SMAP1: variants seen among roughly 807,000 people sequenced by gnomAD.
SMAP1 encodes the protein stromal membrane-associated protein 1.
Under a neutral mutation model 58.5 loss-of-function variants are expected in SMAP1, and 24 were observed. That is an observed-to-expected ratio of 0.41 (90% CI 0.30 to 0.58). The LOEUF (loss-of-function observed/expected upper bound fraction) is 0.58, where lower values mean the gene tolerates loss of function less well. SMAP1 is among the 20% of genes least tolerant of loss of function. The pLI, the probability that SMAP1 is intolerant of heterozygous loss-of-function variation, is 0.29. For synonymous variants in SMAP1, 216 were observed against 196.6 expected, an observed-to-expected ratio of 1.10 and a Z score of -0.82; for missense variants, 563 against 566.3, an observed-to-expected ratio of 0.99 and a Z score of 0.06.
intron 1 of SMAP1, among the ~76,000 whole-genome samples, chr6:70,718,837 A>AAT (rs1166805965): frequency 6.6e-6 from 1 of 151,520 alleles, no homozygotes; most frequent in Non-Finnish European, 1.5e-5. Context: ...AAAAAAAAAA[A>AAT]AAAAAGTGTT....
At chr6:70,851,679 C>T (rs184095388) in intron 7 of SMAP1, among the ~76,000 whole-genome samples, 62 of 152,242 alleles carry the variant, frequency 4.1e-4, no homozygotes, top group African/African-American at 1.4e-3. Flanking sequence ...TCATCTCCTG[C>T]CCCCAGCCCT....
intron 2 of SMAP1, among the ~76,000 whole-genome samples, chr6:70,740,594 T>C (rs1473412224): frequency 6.6e-6 from 1 of 152,200 alleles, no homozygotes; most frequent in Non-Finnish European, 1.5e-5. Context: ...TGCTCAATTT[T>C]GAGTCAATTC....
intron 1 of SMAP1, among the ~76,000 whole-genome samples, chr6:70,701,726 TC>T (rs960104757): frequency 7.2e-5 from 11 of 152,180 alleles, no homozygotes; most frequent in African/African-American, 2.7e-4. Context: ...ACAGCTGCTG[TC>T]CAGGGGGTTG....
At position 70,836,963 on chromosome 6, in the gene SMAP1, T is replaced by C. The variant is rs374752552; in HGVS notation, c.599T>C (p.Leu200Pro). 2.5e-6 allele frequency: 4 copies of C among 1,601,084 alleles called. No homozygotes were observed. Among genetic ancestry groups the C allele is most frequent in the African/African-American group, 1.3e-5 (1 of 74,224 alleles). ...AEKLQKKDQQ[L>P]EPKKSTSPKK... Reference sequence around the variant, plus strand: ...AAGCTGCAGAAGAAAGATCAGCAACTGGAGCCTAAAAAAAGTACCAGCCCT... The same window carrying C: ...AAGCTGCAGAAGAAAGATCAGCAACCGGAGCCTAAAAAAAGTACCAGCCCT... The change falls in exon 7 of 11, where the codon CTG becomes CCG. Residue 200 changes from leucine (L) to proline (P), a missense_variant. Around this residue, in one of 3 missense-constraint regions of SMAP1, gnomAD observed 494 missense variants for 473.8 expected, o/e 1.04. Coordinates refer to ENST00000370455, the MANE Select transcript of SMAP1 (RefSeq NM_001044305.3).
At chr6:70,718,583 AG>A (rs1310453098) in intron 1 of SMAP1, among the ~76,000 whole-genome samples, 2 of 152,120 alleles carry the variant, frequency 1.3e-5, no homozygotes, top group African/African-American at 4.8e-5. Context: ...GCACTATGGG[AG>A]GCCAAGGCGG....
intron 3 of SMAP1, among the ~76,000 whole-genome samples, chr6:70,761,125 G>A (rs2149896872): frequency 6.6e-6 from 1 of 151,590 alleles, no homozygotes; most frequent in East Asian, 1.9e-4. Flanking sequence ...TCTTTCAAAT[G>A]GTATATTTTT....
intron 2 of SMAP1, among the ~76,000 whole-genome samples, chr6:70,747,287 C>T (rs1766082940): frequency 6.6e-6 from 1 of 152,088 alleles, no homozygotes. Context: ...TATTTGTTTA[C>T]CAATCACTGA....
intron 10 of SMAP1, chr6:70,859,426 C>T (rs3734369): frequency 0.061 from 92,597 of 1,515,290 alleles, 6,329 homozygotes; most frequent in East Asian, 0.45. Context: ...GGTATGAAGA[C>T]GTGATCTGCT....
At chr6:70,794,469 C>G in intron 5 of SMAP1, among the ~76,000 whole-genome samples, 1 of 152,148 alleles carries the variant, frequency 6.6e-6, no homozygotes, top group East Asian at 1.9e-4. Context: ...TACATGTGCA[C>G]AACGTGCAGG....
At chr6:70,855,318 T>G (rs1771370266) in intron 8 of SMAP1, among the ~76,000 whole-genome samples, 1 of 152,192 alleles carries the variant, frequency 6.6e-6, no homozygotes, top group Non-Finnish European at 1.5e-5. Context: ...GAGTGCTTAC[T>G]AGTCCTGCTG....
intron 1 of SMAP1, among the ~76,000 whole-genome samples, chr6:70,699,512 GGT>G (rs1767540996): frequency 6.6e-6 from 1 of 152,154 alleles, no homozygotes; most frequent in Non-Finnish European, 1.5e-5. Flanking sequence ...ACTGGCCCAA[GGT>G]GGGTCCAGAA....
intron 4 of SMAP1, among the ~76,000 whole-genome samples, chr6:70,786,387 G>T (rs1484971434): frequency 3.9e-3 from 542 of 140,492 alleles, no homozygotes; most frequent in African/African-American, 0.012. Flanking sequence ...CTTTGAAAAC[G>T]GGCACAAGAC....
At chr6:70,858,782 A>G (rs779634351) in intron 10 of SMAP1, 4 of 152,874 alleles carry the variant, frequency 2.6e-5, no homozygotes, top group African/African-American at 9.6e-5. Context: ...AACCTTTGTA[A>G]AGTTGTATTT....
At chr6:70,712,052 T>G (rs1253796380) in intron 1 of SMAP1, among the ~76,000 whole-genome samples, 1 of 152,224 alleles carries the variant, frequency 6.6e-6, no homozygotes, top group Admixed American at 6.5e-5. Flanking sequence ...CAGATTATTA[T>G]GTTTGCTTTG....
intron 4 of SMAP1, among the ~76,000 whole-genome samples, chr6:70,787,013 C>G (rs1349497676): frequency 6.6e-6 from 1 of 152,108 alleles, no homozygotes; most frequent in Non-Finnish European, 1.5e-5. Context: ...GCCAAAAGAA[C>G]AAAGCTGGAG....
At chr6:70,708,030 A>G (rs1166622894) in intron 1 of SMAP1, among the ~76,000 whole-genome samples, 1 of 152,168 alleles carries the variant, frequency 6.6e-6, no homozygotes, top group Non-Finnish European at 1.5e-5. Context: ...ACTGCAGTGT[A>G]TAACTATAGT....
At chr6:70,668,691 G>C in intron 1 of SMAP1, 3 of 1,536,066 alleles carry the variant, frequency 2.0e-6, no homozygotes, top group Non-Finnish European at 2.6e-6. Flanking sequence ...TCTGCTTCCT[G>C]AAAAAGAGTA....
intron 2 of SMAP1, among the ~76,000 whole-genome samples, chr6:70,743,475 G>A (rs1283823510): frequency 6.6e-6 from 1 of 152,146 alleles, no homozygotes; most frequent in Non-Finnish European, 1.5e-5. Flanking sequence ...GTAATTTGGA[G>A]AACTCTGTGT....
chr6:70,764,002 T>A (rs992167028), intron 3 of SMAP1, among the ~76,000 whole-genome samples: 2 of 152,008 alleles, frequency 1.3e-5, no homozygotes, highest in Non-Finnish European at 2.9e-5. Context: ...AGCCTCTGTG[T>A]CCTGGGCTCA....
Sources: gnomAD v4.1 joint callset for allele counts (sites outside exome capture counted in the v4.1 genomes callset) on GRCh38, gnomAD v4.1.1 for gene constraint, gnomAD v4.1.1 regional missense constraint, MANE v1.5 for transcripts, NCBI Gene and HGNC (gene_info 2026-07-23, HGNC 2026-07-21) for gene names.